Variants in SHANK2 observed in about 807,000 individuals in gnomAD.
SHANK2 encodes the protein SH3 and multiple ankyrin repeat domains 2, also known as SH3 and multiple ankyrin repeat domains protein 2.
SHANK2 carries 43 observed loss-of-function variants against 133.7 expected under a neutral mutation model. That is an observed-to-expected ratio of 0.32 (90% CI 0.25 to 0.41). SHANK2 has a LOEUF of 0.41. Ranked by LOEUF, SHANK2 falls within the 10% of genes least tolerant of loss-of-function variation. SHANK2 has a pLI of 1.00. For synonymous variants in SHANK2, 1,017 were observed against 952.8 expected (o/e 1.07, Z -1.24); for missense variants, 1,994 against 2,235.8 (o/e 0.89, Z 2.18).
rs1591575800 is a variant in SHANK2 at position 70,556,391 on chromosome 11, CTTTCTCT to C, written c.2062-53467_2062-53461del. Among the ~76,000 whole-genome samples, 5 of 61,412 alleles carry C rather than the reference CTTTCTCT, an allele frequency of 8.1e-5. No individual in the cohort carries two copies. The East Asian group carries it at 2.3e-3, about 28-fold the overall frequency. The allele number at this position is 61,412 out of a possible 152,430, so 40.3% of individuals were successfully genotyped here. A position where few individuals can be genotyped will look rare whatever the true frequency, so the allele number is the denominator to read the frequency against. ...TTATTTTCTCTCTGTCTCTTTCTTTCTTTCTCTCTCTCTCTCTCTCTCTCTCTCTCTA... is the reference window on the plus strand; with the variant it reads ...TTATTTTCTCTCTGTCTCTTTCTTTCCTCTCTCTCTCTCTCTCTCTCTCTA... On this transcript the variant is annotated intron_variant, in intron 17 of 25. Coordinates refer to ENST00000601538, the MANE Select transcript of SHANK2 (RefSeq NM_012309.5).
intron 1 of SHANK2, among the ~76,000 whole-genome samples, chr11:71,243,094 T>C (rs913369533): frequency 1.3e-5 from 2 of 152,122 alleles, no homozygotes; most frequent in African/African-American, 4.8e-5. Context: ...GATCTGTAAA[T>C]GTCTATGTTA....
At position 70,739,150 on chromosome 11, in the gene SHANK2, G is replaced by A. The variant is rs1346139186; in HGVS notation, c.1778-40387C>T. Among the ~76,000 whole-genome samples, 1 of 152,212 alleles carries A rather than the reference G, an allele frequency of 6.6e-6. No individual in the cohort carries two copies. Among genetic ancestry groups the A allele is most frequent in the African/African-American group, 2.4e-5 (1 of 41,454 alleles). On this transcript the variant is annotated intron_variant, in intron 14 of 25. Coordinates refer to ENST00000601538, the MANE Select transcript of SHANK2 (RefSeq NM_012309.5). The surrounding 1 kb of genome is among the most constrained non-coding windows in gnomAD (Gnocchi z 4.3). ...TGAGTTAGGCAGGTGGCATGGCTGA[G>A]CCCCATCAGGAGCCTGACCCACCAG...
chr11:70,533,290 G>A (rs1177998943), intron 17 of SHANK2, among the ~76,000 whole-genome samples: 1 of 152,118 alleles, frequency 6.6e-6, no homozygotes. Flanking sequence ...GGGTCTTGCT[G>A]TGTTGTCTAG....
chr11:70,586,800 C>T (rs571353699), intron 17 of SHANK2, among the ~76,000 whole-genome samples: 52 of 152,290 alleles, frequency 3.4e-4, no homozygotes, highest in African/African-American at 1.2e-3. Flanking sequence ...CTCCCCGGAA[C>T]GGGGAAGGAC....
At chr11:70,757,003 T>G (rs1946890550) in intron 14 of SHANK2, among the ~76,000 whole-genome samples, 1 of 152,206 alleles carries the variant, frequency 6.6e-6, no homozygotes, top group Admixed American at 6.5e-5. Flanking sequence ...ACTAGCAGTT[T>G]CCATGATATT....
intron 12 of SHANK2, among the ~76,000 whole-genome samples, chr11:70,818,906 C>T (rs1281300642): frequency 2.0e-5 from 3 of 152,234 alleles, no homozygotes; most frequent in Admixed American, 1.3e-4. Flanking sequence ...CCTGGGACCA[C>T]GTGAGGCACT....
At chr11:70,843,896 G>A (rs1555062439) in intron 11 of SHANK2, among the ~76,000 whole-genome samples, 1 of 152,176 alleles carries the variant, frequency 6.6e-6, no homozygotes, top group African/African-American at 2.4e-5. Context: ...TCCGTCGGAA[G>A]GCCTGTGAAT....
intron 17 of SHANK2, among the ~76,000 whole-genome samples, chr11:70,531,258 TGGCCCA>T (rs1211606648): frequency 4.6e-5 from 7 of 151,780 alleles, no homozygotes; most frequent in Admixed American, 2.0e-4. Flanking sequence ...GGGAGAGGCA[TGGCCCA>T]GGCCCAGGCG....
intron 9 of SHANK2, among the ~76,000 whole-genome samples, chr11:71,065,822 A>C (rs2135948887): frequency 1.9e-5 from 1 of 53,852 alleles, no homozygotes; most frequent in Non-Finnish European, 3.3e-5. Flanking sequence ...TGAGTGGGGA[A>C]GTTGGGGGCG....
Position 70,933,361 on chromosome 11 carries a change from G to A in SHANK2, c.1108-36794C>T, listed in dbSNP as rs1198399090. On this transcript the variant is annotated intron_variant, in intron 10 of 25. Coordinates refer to ENST00000601538, the MANE Select transcript of SHANK2 (RefSeq NM_012309.5). ...GTAGAATGATAGTTACCAGAGGCTG[G>A]GGGAGGAGGGAACAAAGAGTTGGTG... 3 of 454,006 alleles carry A rather than the reference G, an allele frequency of 6.6e-6. No homozygotes were observed. The Admixed American group carries it at 7.1e-5, about 11-fold the overall frequency. The allele number at this position is 454,006 out of a possible 1,614,324, so 28.1% of individuals were successfully genotyped here.
At chr11:71,071,894 C>T (rs1951147829) in intron 9 of SHANK2, among the ~76,000 whole-genome samples, 1 of 152,146 alleles carries the variant, frequency 6.6e-6, no homozygotes, top group Non-Finnish European at 1.5e-5. Context: ...TGGACCCTGG[C>T]ACAAAGAGCC....
chr11:71,244,666 C>A (rs1327763834), intron 1 of SHANK2, among the ~76,000 whole-genome samples: 1 of 152,152 alleles, frequency 6.6e-6, no homozygotes, highest in African/African-American at 2.4e-5. Flanking sequence ...GCAAAAAGAC[C>A]ACAAAAATGT....
chr11:71,149,923 G>GGA (rs1555107549), intron 2 of SHANK2, among the ~76,000 whole-genome samples: 1 of 36,726 alleles, frequency 2.7e-5, no homozygotes, highest in Non-Finnish European at 5.5e-5. Flanking sequence ...AAGAAGGGAG[G>GGA]GAGGGAGAGG....
At chr11:70,477,628 G>C (rs934334175) in intron 25 of SHANK2, 1 of 152,122 alleles carries the variant, frequency 6.6e-6, no homozygotes, top group African/African-American at 2.4e-5. Context: ...CATTCCTGGT[G>C]GGGGAGGGCA....
At chr11:71,155,990 G>A (rs1952900962) in intron 2 of SHANK2, among the ~76,000 whole-genome samples, 1 of 152,352 alleles carries the variant, frequency 6.6e-6, no homozygotes, top group South Asian at 2.1e-4. Flanking sequence ...CTTTTTATCA[G>A]AAGAGGGACT....
rs35202906 is a variant in SHANK2 at position 71,239,466 on chromosome 11, AT to A, written c.-113+12958del. 2.8e-3 allele frequency among the ~76,000 whole-genome samples: 421 copies of A among 149,416 alleles called. 5 individuals are homozygous for A. In the East Asian group the frequency reaches 0.043, roughly 15 times the overall value. On this transcript the variant is annotated intron_variant, in intron 1 of 25. Transcript: ENST00000601538. ...TTACTGCACTGTTAATGGTAAAAAA[AT>A]TTTTTTTTTTGAGACAGGGCCTCAC...
At chr11:70,530,768 A>G (rs1565101994) in intron 17 of SHANK2, among the ~76,000 whole-genome samples, 1 of 152,050 alleles carries the variant, frequency 6.6e-6, no homozygotes, top group Admixed American at 6.6e-5. Flanking sequence ...CTGGGGACGG[A>G]GTTTACTGGG....
chr11:70,703,896 GC>G (rs1945600327), intron 14 of SHANK2, among the ~76,000 whole-genome samples: 1 of 152,192 alleles, frequency 6.6e-6, no homozygotes, highest in Admixed American at 6.5e-5. Context: ...ATGCCACCCT[GC>G]CCCCTCCCCA....
intron 15 of SHANK2, among the ~76,000 whole-genome samples, chr11:70,694,009 C>T (rs1178883549): frequency 2.0e-5 from 3 of 152,112 alleles, no homozygotes; most frequent in African/African-American, 4.8e-5. Flanking sequence ...AAATGGAGTC[C>T]GTTCAGCCTA....
Sources: gnomAD v4.1 joint callset for allele counts (sites outside exome capture counted in the v4.1 genomes callset) on GRCh38, gnomAD v4.1.1 for gene constraint, Gnocchi (gnomAD v3.1) non-coding constraint, MANE v1.5 for transcripts, NCBI Gene and HGNC (gene_info 2026-07-23, HGNC 2026-07-21) for gene names.